STAM: variants seen among roughly 807,000 people sequenced by gnomAD.
The protein encoded by STAM is signal transducing adapter molecule 1.
STAM carries 16 observed loss-of-function variants against 63.4 expected under a neutral mutation model. The ratio of observed to expected loss-of-function variants is 0.25; its 90% CI spans 0.17 to 0.38. The LOEUF is 0.38. Ranked by LOEUF, STAM falls within the 10% of genes least tolerant of loss-of-function variation. STAM has a pLI of 1.00. For missense variants in STAM, 636 were observed against 657.1 expected, an observed-to-expected ratio of 0.97 and a Z score of 0.35; for synonymous variants, 238 against 223.9, an observed-to-expected ratio of 1.06 and a Z score of -0.56.
intron 2 of STAM, among the ~76,000 whole-genome samples, chr10:17,675,569 T>C (rs1439545388): frequency 1.3e-5 from 2 of 152,122 alleles, no homozygotes; most frequent in Non-Finnish European, 2.9e-5. Flanking sequence ...TTGTAGTTTA[T>C]ATAAAGTTTG....
intron 5 of STAM, among the ~76,000 whole-genome samples, chr10:17,690,074 A>C (rs917980028): frequency 6.6e-6 from 1 of 152,228 alleles, no homozygotes; most frequent in Non-Finnish European, 1.5e-5. Context: ...CTCTAATCTA[A>C]TCCGCTCATT....
At chr10:17,713,377 T>G (rs190581355) in intron 13 of STAM, among the ~76,000 whole-genome samples, 135 of 152,312 alleles carry the variant, frequency 8.9e-4, no homozygotes, top group African/African-American at 3.1e-3. Context: ...GACAGCAGGC[T>G]TGAATAGCTG....
chr10:17,665,005 T>G (rs553705196), intron 2 of STAM, among the ~76,000 whole-genome samples: 237 of 152,230 alleles, frequency 1.6e-3, no homozygotes, highest in Non-Finnish European at 2.3e-3. Context: ...TATTTTAACC[T>G]TTTTTTCTCT....
intron 13 of STAM, among the ~76,000 whole-genome samples, chr10:17,713,377 T>A (rs190581355): frequency 6.6e-6 from 1 of 152,194 alleles, no homozygotes; most frequent in Non-Finnish European, 1.5e-5. Context: ...GACAGCAGGC[T>A]TGAATAGCTG....
chr10:17,666,509 C>T (rs1219354059), intron 2 of STAM, among the ~76,000 whole-genome samples: 2 of 152,008 alleles, frequency 1.3e-5, no homozygotes, highest in Non-Finnish European at 2.9e-5. Flanking sequence ...ATTCTCCCGC[C>T]TCAGCCTCCT....
rs1426927023 is a variant in STAM, at chr10:17,693,202, G to T, written c.445-20G>T. ...AATTTGATAACAACCCTCAAATACT[G>T]TGTTCCTCTTTTTTGTTAGGCTGCA... On this transcript the variant is annotated intron_variant, in intron 5 of 13. Coordinates refer to ENST00000377524, the MANE Select transcript of STAM (RefSeq NM_003473.4). 23 of 1,610,238 alleles carry T rather than the reference G, an allele frequency of 1.4e-5. No individual in the cohort carries two copies. The highest frequency in any genetic ancestry group is 1.9e-5 in the Non-Finnish European group (22 of 1,177,866).
At chr10:17,674,818 A>T (rs563592483) in intron 2 of STAM, among the ~76,000 whole-genome samples, 1 of 152,216 alleles carries the variant, frequency 6.6e-6, no homozygotes, top group Non-Finnish European at 1.5e-5. Flanking sequence ...TGTTAGTTCC[A>T]TAAGTGTTGA....
At chr10:17,654,044 T>C (rs1376522694) in intron 1 of STAM, among the ~76,000 whole-genome samples, 1 of 152,040 alleles carries the variant, frequency 6.6e-6, no homozygotes, top group Admixed American at 6.6e-5. Flanking sequence ...GTGTCTGAGG[T>C]TTGAAGTGAA....
chr10:17,695,075 A>G lies in STAM; in HGVS notation c.562A>G (p.Arg188Gly). Residue 188 changes from arginine (R) to glycine (G), a missense_variant, in exon 7 of 14, where the codon AGG (arginine) becomes GGG (glycine). Arg to Gly is a moderately radical substitution (Grantham distance 125, BLOSUM62 -2). This residue lies in a region of STAM where 532 missense variants were observed against 536.9 expected (regional missense o/e 0.99). Coordinates refer to ENST00000377524, the MANE Select transcript of STAM (RefSeq NM_003473.4). ...KAIELSLKEQ[R>G]QQSTTLSTLY... The stretch of plus-strand genomic sequence containing the variant: ...CATTGAGTTGTCTCTCAAGGAACAA[A>G]GGCAGCAGTCAACCACCCTTTCCAC... 6.2e-7 allele frequency: 1 copy of G among 1,613,930 alleles called. No homozygotes were observed. The highest frequency in any genetic ancestry group is 8.5e-7 in the Non-Finnish European group (1 of 1,179,888).
Position 17,715,897 on chromosome 10 carries a change from A to G in STAM, c.*1117A>G, listed in dbSNP as rs1366587792. On this transcript the variant is annotated 3_prime_UTR_variant, in exon 14 of 14. Coordinates refer to ENST00000377524, the MANE Select transcript of STAM (RefSeq NM_003473.4). ...TCTTCATTAAAATGGAAATAAGTAG[A>G]TGTTTCAAAGTAATCTACATTCCTG... The G allele has an allele frequency of 1.3e-5, 2 of 152,642 alleles. No individual in the cohort carries two copies. The highest frequency in any genetic ancestry group is 2.9e-5 in the Non-Finnish European group (2 of 68,020). The allele number at this position is 152,642 out of a possible 1,614,324, so 9.5% of individuals were successfully genotyped here. A position where few individuals can be genotyped will look rare whatever the true frequency, so the allele number is the denominator to read the frequency against.
intron 1 of STAM, among the ~76,000 whole-genome samples, chr10:17,645,727 A>G (rs1833494412): frequency 6.6e-6 from 1 of 152,206 alleles, no homozygotes; most frequent in Non-Finnish European, 1.5e-5. Flanking sequence ...ATTTAATTTA[A>G]TAAGCAGTTA....
chr10:17,670,065 A>T (rs1834574414), intron 2 of STAM, among the ~76,000 whole-genome samples: 1 of 151,816 alleles, frequency 6.6e-6, no homozygotes, highest in Non-Finnish European at 1.5e-5. Context: ...ACGGGATTAT[A>T]GCATCTGTGT....
At chr10:17,695,292 G>C (rs1554827358) in intron 7 of STAM, 51 bp downstream of exon 7, 1 of 1,525,216 alleles carries the variant, frequency 6.6e-7, no homozygotes, top group East Asian at 2.3e-5. Flanking sequence ...TATGGCTTCT[G>C]TGTTTCATAT....
chr10:17,664,011 A>G (rs1554823145), intron 2 of STAM, among the ~76,000 whole-genome samples: 1 of 152,038 alleles, frequency 6.6e-6, no homozygotes, highest in African/African-American at 2.4e-5. Context: ...AAGGAAAAAT[A>G]TATTAGTATT....
intron 1 of STAM, among the ~76,000 whole-genome samples, chr10:17,654,701 A>G (rs1554821940): frequency 6.6e-6 from 1 of 152,160 alleles, no homozygotes; most frequent in Non-Finnish European, 1.5e-5. Flanking sequence ...CCAAAACTTG[A>G]GCAATGATAG....
rs781974232 is a variant in STAM, at chr10:17,688,191, T to C, written c.444+18T>C. On this transcript the variant is annotated intron_variant, in intron 5 of 13. Coordinates refer to ENST00000377524, the MANE Select transcript of STAM (RefSeq NM_003473.4). The stretch of plus-strand genomic sequence containing the variant: ...GCTCTCAGGTATTTTGGGAATGAAG[T>C]TGTGTGTGTGCTACAGTTTGTTTCT... 22 of 1,517,276 alleles carry C rather than the reference T, an allele frequency of 1.4e-5. No individual in the cohort carries two copies. In the East Asian group the frequency reaches 3.8e-4, roughly 26 times the overall value. 94.0% of individuals were successfully genotyped at this position (1,517,276 alleles called of 1,614,324 possible).
intron 2 of STAM, among the ~76,000 whole-genome samples, chr10:17,682,250 T>G (rs184634426): frequency 4.1e-4 from 63 of 152,378 alleles, no homozygotes; most frequent in African/African-American, 1.5e-3. Context: ...TCAGTACTCC[T>G]GTGTCTAGCA....
intron 12 of STAM, among the ~76,000 whole-genome samples, chr10:17,707,317 G>T (rs1374889709): frequency 5.3e-5 from 8 of 152,156 alleles, no homozygotes; most frequent in Non-Finnish European, 8.8e-5. Context: ...GGCTGAGGCA[G>T]GAGAATGGCA....
chr10:17,668,110 A>G (rs375849651), intron 2 of STAM, among the ~76,000 whole-genome samples: 1 of 152,218 alleles, frequency 6.6e-6, no homozygotes, highest in African/African-American at 2.4e-5. Context: ...CATCACTTAC[A>G]CTGTTATTAA....
Sources: allele counts gnomAD v4.1 joint callset (sites outside exome capture counted in the v4.1 genomes callset), GRCh38; gene constraint gnomAD v4.1.1; regional missense constraint gnomAD v4.1.1; transcripts MANE v1.5; gene names NCBI Gene and HGNC (gene_info 2026-07-23, HGNC 2026-07-21).